The following TENM3 variants were observed in gnomAD, a reference collection of about 807,000 sequenced individuals.
The protein encoded by TENM3 is teneurin transmembrane protein 3.
TENM3 carries 63 observed loss-of-function variants against 255.1 expected under a neutral mutation model. That is an observed-to-expected ratio of 0.25 (90% CI 0.20 to 0.30). The LOEUF (loss-of-function observed/expected upper bound fraction) is 0.30, where lower values mean the gene tolerates loss of function less well. Ranked by LOEUF, TENM3 falls within the 10% of genes least tolerant of loss-of-function variation. The pLI is 1.00. For missense variants in TENM3, 2,929 were observed against 3,461.1 expected (o/e 0.85, Z 3.86); for synonymous variants, 1,306 against 1,322.3 (o/e 0.99, Z 0.27).
At chr4:182,679,518 G>T in intron 7 of TENM3, 148 bp from the exon 8 acceptor site, 1 of 643,306 alleles carries the variant, frequency 1.6e-6, no homozygotes, top group South Asian at 2.0e-5. Context: ...TGCTATGCAT[G>T]GGAGACTTCT....
At chr4:181,972,276 A>G in the TENM3 span, among the ~76,000 whole-genome samples, 8 of 151,796 alleles carry the variant, frequency 5.3e-5, no homozygotes, top group African/African-American at 1.9e-4. Flanking sequence ...AAAATTAGCC[A>G]GGCATGGTGG....
upstream of TENM3, chr4:182,142,201 A>G (rs932108661): frequency 2.0e-5 from 3 of 152,052 alleles, no homozygotes; most frequent in Admixed American, 6.6e-5. Flanking sequence ...ATCTTTTTCA[A>G]GTGTGAAATT....
chr4:182,035,287 A>C, the TENM3 span, among the ~76,000 whole-genome samples: 1 of 152,206 alleles, frequency 6.6e-6, no homozygotes, highest in African/African-American at 2.4e-5. Flanking sequence ...ATGGCAACAC[A>C]GTTTAAATCA....
chr4:182,519,148 A>G (rs1331680466), intron 3 of TENM3, among the ~76,000 whole-genome samples: 2 of 147,676 alleles, frequency 1.4e-5, no homozygotes, highest in Non-Finnish European at 3.0e-5. Context: ...TAAACACTGC[A>G]TTTTGAAGCT....
chr4:181,888,494 G>GTATATATATGTATGTATATATATATA, the TENM3 span, among the ~76,000 whole-genome samples: 2 of 28,242 alleles, frequency 7.1e-5, no homozygotes, highest in African/African-American at 3.4e-4. Context: ...ATAGAAATGT[G>GTATATATATGTATGTATATATATATA]TATATATATA....
intron 3 of TENM3, among the ~76,000 whole-genome samples, chr4:182,564,483 A>G (rs146114896): frequency 2.6e-5 from 4 of 152,102 alleles, no homozygotes; most frequent in East Asian, 1.9e-4. Flanking sequence ...ATATGAGACT[A>G]TAAGTCTTTT....
At chr4:182,621,783 TTA>T (rs1190068030) in intron 4 of TENM3, among the ~76,000 whole-genome samples, 2 of 68,106 alleles carry the variant, frequency 2.9e-5, no homozygotes, top group Non-Finnish European at 5.3e-5. Flanking sequence ...TTATATATAA[TTA>T]TATATATAAT....
At chr4:181,654,895 A>G in the TENM3 span, among the ~76,000 whole-genome samples, 1 of 152,138 alleles carries the variant, frequency 6.6e-6, no homozygotes, top group Non-Finnish European at 1.5e-5. Context: ...TCCATCCAAC[A>G]TGAGAAAAAC....
the TENM3 span, among the ~76,000 whole-genome samples, chr4:181,982,616 A>G: frequency 6.6e-6 from 1 of 152,148 alleles, no homozygotes; most frequent in Non-Finnish European, 1.5e-5. Flanking sequence ...GAAGCCTGAA[A>G]GAGTTAATGC....
chr4:181,646,324 A>G, the TENM3 span, among the ~76,000 whole-genome samples: 1 of 152,224 alleles, frequency 6.6e-6, no homozygotes, highest in Non-Finnish European at 1.5e-5. Context: ...CAAGAACAAA[A>G]GACAGGATTA....
chr4:181,481,755 C>T, the TENM3 span, among the ~76,000 whole-genome samples: 1 of 152,270 alleles, frequency 6.6e-6, no homozygotes, highest in East Asian at 1.9e-4. Context: ...ATTCTGTCTA[C>T]ACTTTAGTCT....
At chr4:181,669,022 A>G in the TENM3 span, among the ~76,000 whole-genome samples, 3 of 151,960 alleles carry the variant, frequency 2.0e-5, no homozygotes, top group African/African-American at 4.8e-5. Context: ...AAGCAAAATA[A>G]CCTCCAATCA....
chr4:181,609,181 G>A, the TENM3 span, among the ~76,000 whole-genome samples: 3 of 152,150 alleles, frequency 2.0e-5, no homozygotes, highest in African/African-American at 7.2e-5. Context: ...AGAAAAGGGG[G>A]TGAGGAGGCC....
chr4:182,374,317 C>T lies in TENM3; in HGVS notation c.511+27388C>T, dbSNP rs138804260. Among the ~76,000 whole-genome samples the T allele has an allele frequency of 1.1e-3, 175 of 152,202 alleles. 1 individual carries two copies. The South Asian group carries it at 0.014, about 12-fold the overall frequency. Reference sequence around the variant, plus strand: ...CCTGCTGTTTTTTTCTTGGCCACTTCGTTGATATCCCTTCTATTTAAAATA... The same window carrying T: ...CCTGCTGTTTTTTTCTTGGCCACTTTGTTGATATCCCTTCTATTTAAAATA... On this transcript the variant is annotated intron_variant, in intron 3 of 27. Transcript: ENST00000511685.
chr4:182,756,880 A>G (rs190469739), intron 22 of TENM3, among the ~76,000 whole-genome samples: 68 of 152,298 alleles, frequency 4.5e-4, no homozygotes, highest in South Asian at 3.9e-3. Context: ...GGAAAGGAAT[A>G]AATTGGAAGT....
At chr4:181,793,787 G>A in the TENM3 span, among the ~76,000 whole-genome samples, 1 of 152,168 alleles carries the variant, frequency 6.6e-6, no homozygotes, top group African/African-American at 2.4e-5. Context: ...ATGAGTGTCT[G>A]AATCAAGAAA....
chr4:182,144,447 G>A (rs1410583610), upstream of TENM3: 1 of 150,248 alleles, frequency 6.7e-6, no homozygotes, highest in Non-Finnish European at 1.5e-5. Flanking sequence ...GGAGGCTGGA[G>A]GGGCCGGCGG....
chr4:181,919,966 G>T, the TENM3 span, among the ~76,000 whole-genome samples: 9 of 141,512 alleles, frequency 6.4e-5, no homozygotes, highest in East Asian at 1.7e-3. Context: ...TCCCACCTAT[G>T]AGTGAGAATA....
chr4:182,784,917 G>A (rs533423428), intron 24 of TENM3, among the ~76,000 whole-genome samples: 3,624 of 152,136 alleles, frequency 0.024, 137 homozygotes, highest in African/African-American at 0.08. Context: ...TTCGGCTCGC[G>A]CACGGTGCGC....
Sources: gnomAD v4.1 joint callset for allele counts (sites outside exome capture counted in the v4.1 genomes callset) on GRCh38, gnomAD v4.1.1 for gene constraint, MANE v1.5 for transcripts, NCBI Gene and HGNC (gene_info 2026-07-23, HGNC 2026-07-21) for gene names.